The following FGFR2 variants were observed in gnomAD, a reference collection of about 807,000 sequenced individuals.
FGFR2 encodes the protein BEK fibroblast growth factor receptor.
In FGFR2, 19 loss-of-function variants were observed where a neutral mutation model predicts 95.9. That is an observed-to-expected ratio of 0.20 (90% confidence interval 0.14 to 0.29). The LOEUF is 0.29. FGFR2 is among the 10% of genes least tolerant of loss of function. FGFR2 has a pLI of 1.00. For missense variants in FGFR2, 707 were observed against 1,056.9 expected (o/e 0.67, Z 4.59); for synonymous variants, 392 against 393.3 (o/e 1.00, Z 0.04).
At chr10:121,537,401 C>T (rs1452664935) in intron 6 of FGFR2, among the ~76,000 whole-genome samples, 1 of 152,174 alleles carries the variant, frequency 6.6e-6, no homozygotes, top group Non-Finnish European at 1.5e-5. Flanking sequence ...TTTCAGTTAA[C>T]CTAAAATTTT....
At chr10:121,506,775 G>A (rs1848349960) in intron 9 of FGFR2, among the ~76,000 whole-genome samples, 1 of 152,222 alleles carries the variant, frequency 6.6e-6, no homozygotes, top group South Asian at 2.1e-4. Flanking sequence ...CCTGTGGGCA[G>A]AGAGATTAGG....
At chr10:121,537,538 CAT>C (rs746765693) in intron 6 of FGFR2, among the ~76,000 whole-genome samples, 17 of 152,268 alleles carry the variant, frequency 1.1e-4, no homozygotes, top group Non-Finnish European at 1.9e-4. Flanking sequence ...GAGACCCACA[CAT>C]GAGATGATAC....
At chr10:121,487,287 G>T in intron 15 of FGFR2, 67 bp downstream of exon 15, 1 of 1,260,894 alleles carries the variant, frequency 7.9e-7, no homozygotes, top group Non-Finnish European at 1.2e-6. Context: ...AGGAAGAAAG[G>T]TGAAGTACGT....
At chr10:121,539,231 T>C (rs1161402416) in intron 5 of FGFR2, among the ~76,000 whole-genome samples, 1 of 152,244 alleles carries the variant, frequency 6.6e-6, no homozygotes, top group Non-Finnish European at 1.5e-5. Flanking sequence ...AGTTCTCAGA[T>C]GTTGTCTGGA....
chr10:121,506,311 T>C (rs1256353441), intron 9 of FGFR2, among the ~76,000 whole-genome samples: 2 of 141,372 alleles, frequency 1.4e-5, no homozygotes, highest in African/African-American at 5.3e-5. Flanking sequence ...TGAGCTGAGA[T>C]TGCACCACAG....
intron 17 of FGFR2, among the ~76,000 whole-genome samples, chr10:121,483,428 C>A (rs1845015439): frequency 6.6e-6 from 1 of 152,234 alleles, no homozygotes; most frequent in African/African-American, 2.4e-5. Flanking sequence ...CTCCCACATA[C>A]CCCGGACTGC....
At chr10:121,508,768 A>G (rs1194536906) in intron 9 of FGFR2, among the ~76,000 whole-genome samples, 4 of 152,248 alleles carry the variant, frequency 2.6e-5, no homozygotes, top group Non-Finnish European at 4.4e-5. Flanking sequence ...ACGGGGGAAA[A>G]GGGTAAGAAA....
intron 13 of FGFR2, among the ~76,000 whole-genome samples, chr10:121,494,342 G>A (rs2133907402): frequency 6.6e-6 from 1 of 152,144 alleles, no homozygotes; most frequent in Middle Eastern, 3.4e-3. Context: ...GTCTCTTCTG[G>A]CCACTTCGCT....
At position 121,518,851 on chromosome 10, in the gene FGFR2, A is replaced by G. The variant is rs767566825; in HGVS notation, c.939+1128T>C. The G allele has an allele frequency of 5.6e-6, 9 of 1,613,880 alleles. No homozygotes were observed. The highest frequency in any genetic ancestry group is 3.3e-5 in the Admixed American group (2 of 60,006). On this transcript the variant is annotated intron_variant, in intron 7 of 17. Transcript: ENST00000358487. This position sits in a 1 kb window ranked among gnomAD's most constrained non-coding sequence, Gnocchi z 4.0. ...AGTGCTAGAACAGACACAGGAGAAC[A>G]ATATAACGGCCAACCAGGAAGGTCT... is the stretch of plus-strand genomic sequence containing the variant.
intron 6 of FGFR2, among the ~76,000 whole-genome samples, chr10:121,522,815 G>T (rs1850743733): frequency 6.6e-6 from 1 of 152,080 alleles, no homozygotes; most frequent in Non-Finnish European, 1.5e-5. Context: ...TCCTCCCCTA[G>T]GTGTGGGTAC....
chr10:121,509,491 T>TTTTTC (rs1848761555), intron 9 of FGFR2, among the ~76,000 whole-genome samples: 1 of 105,068 alleles, frequency 9.5e-6, no homozygotes, highest in African/African-American at 3.9e-5. Context: ...TCTTTTTTTT[T>TTTTTC]TTTTTTTTTT....
At chr10:121,585,732 T>C (rs757129847) in intron 2 of FGFR2, among the ~76,000 whole-genome samples, 1 of 152,244 alleles carries the variant, frequency 6.6e-6, no homozygotes, top group Non-Finnish European at 1.5e-5. Flanking sequence ...ATACAGAATT[T>C]AGATTAAATG....
chr10:121,497,300 G>T (rs1288453920), intron 12 of FGFR2, among the ~76,000 whole-genome samples: 1 of 152,090 alleles, frequency 6.6e-6, no homozygotes, highest in African/African-American at 2.4e-5. Context: ...TCACTCTCAT[G>T]CTGTCACCTG....
At chr10:121,489,136 G>A (rs563677104) in intron 13 of FGFR2, among the ~76,000 whole-genome samples, 10 of 152,106 alleles carry the variant, frequency 6.6e-5, no homozygotes, top group East Asian at 3.9e-4. Context: ...GCAATGGTGC[G>A]ATCTTGGCTC....
chr10:121,501,040 C>A, intron 10 of FGFR2, 93 bp from the exon 11 acceptor site: 1 of 1,569,194 alleles, frequency 6.4e-7, no homozygotes. Context: ...CTTTCAGCGG[C>A]TTACTAAAGC....
intron 6 of FGFR2, chr10:121,538,183 C>T: frequency 1.6e-6 from 1 of 609,278 alleles, no homozygotes; most frequent in African/African-American, 1.9e-5. Context: ...CAGACCTTTT[C>T]CTTTACTCTT....
intron 17 of FGFR2, 53 bp downstream of exon 17, chr10:121,483,645 G>T: frequency 7.8e-7 from 1 of 1,274,794 alleles, no homozygotes; most frequent in Non-Finnish European, 1.1e-6. Context: ...AAAACACTAC[G>T]CATGTCTCAC....
intron 5 of FGFR2, among the ~76,000 whole-genome samples, chr10:121,548,255 T>G (rs1374893672): frequency 9.0e-6 from 1 of 111,540 alleles, no homozygotes; most frequent in Non-Finnish European, 1.6e-5. Flanking sequence ...CTTTTTTTTT[T>G]TTTTTTTTTT....
At chr10:121,492,892 C>T (rs571542209) in intron 13 of FGFR2, among the ~76,000 whole-genome samples, 3 of 152,230 alleles carry the variant, frequency 2.0e-5, no homozygotes, top group East Asian at 1.9e-4. Flanking sequence ...ACCCCTCACC[C>T]GCCCCCCACG....
Sources: allele counts gnomAD v4.1 joint callset (sites outside exome capture counted in the v4.1 genomes callset), GRCh38; gene constraint gnomAD v4.1.1; non-coding constraint Gnocchi (gnomAD v3.1); transcripts MANE v1.5; gene names NCBI Gene and HGNC (gene_info 2026-07-23, HGNC 2026-07-21).